Variants in SGCD observed in about 807,000 individuals in gnomAD.
SGCD encodes the protein delta-sarcoglycan.
SGCD carries 18 observed loss-of-function variants against 36.6 expected under a neutral mutation model. The observed-to-expected ratio is 0.49, with a 90% CI of 0.34 to 0.73. The LOEUF (loss-of-function observed/expected upper bound fraction) is 0.73. Ranked by LOEUF, SGCD falls within the 30% of genes least tolerant of loss-of-function variation. The probability of loss-of-function intolerance (pLI) is 0.01; values close to 1 mark genes in which losing one functional copy is unlikely to be tolerated. For missense variants in SGCD, 387 were observed against 346.7 expected (o/e 1.12, Z -0.92); for synonymous variants, 133 against 130.6 (o/e 1.02, Z -0.12).
chr5:156,253,833 T>C (rs1765643424), intron 3 of SGCD, among the ~76,000 whole-genome samples: 1 of 152,184 alleles, frequency 6.6e-6, no homozygotes, highest in South Asian at 2.1e-4. Context: ...TATTTATACT[T>C]GGACAGTTTA....
At chr5:156,026,502 T>C (rs546436372) in intron 1 of SGCD, among the ~76,000 whole-genome samples, 3 of 152,336 alleles carry the variant, frequency 2.0e-5, no homozygotes, top group African/African-American at 7.2e-5. Context: ...TTTAAATTTA[T>C]TTCTGTGTGA....
chr5:156,203,841 G>A (rs1022899355), intron 3 of SGCD, among the ~76,000 whole-genome samples: 3 of 152,088 alleles, frequency 2.0e-5, no homozygotes, highest in African/African-American at 7.2e-5. Context: ...CTATGACATA[G>A]CATAAACATG....
At position 156,334,320 on chromosome 5, in the gene SGCD, G is replaced by A. The variant is rs1768216192; in HGVS notation, c.3+4741G>A. ...TAACCATAGAAGTGGCCATGATGGG[G>A]TAGATACAGCATCCTTTGCATGTGA... On this transcript the variant is annotated intron_variant, in intron 2 of 8. Transcript: ENST00000337851. Among the ~76,000 whole-genome samples the A allele has an allele frequency of 1.3e-5, 2 of 152,152 alleles. 1 individual carries two copies. The highest frequency in any genetic ancestry group is 1.3e-4 in the Admixed American group (2 of 15,260).
At chr5:156,435,027 T>C (rs528487152) in intron 3 of SGCD, among the ~76,000 whole-genome samples, 1 of 152,292 alleles carries the variant, frequency 6.6e-6, no homozygotes, top group East Asian at 1.9e-4. Flanking sequence ...AAGATCTGAT[T>C]ATTGTAAAGG....
intron 1 of SGCD, among the ~76,000 whole-genome samples, chr5:155,904,468 AG>A (rs1256312626): frequency 6.6e-6 from 1 of 152,218 alleles, no homozygotes; most frequent in Non-Finnish European, 1.5e-5. Flanking sequence ...TAATGGTTAA[AG>A]TAACCTAAAG....
chr5:156,440,056 T>C (rs1753416216), intron 3 of SGCD, among the ~76,000 whole-genome samples: 1 of 152,150 alleles, frequency 6.6e-6, no homozygotes, highest in Non-Finnish European at 1.5e-5. Flanking sequence ...AAATGTTGTC[T>C]AGCTGCCATC....
chr5:155,848,536 C>CAA, the SGCD span, among the ~76,000 whole-genome samples: 1 of 152,154 alleles, frequency 6.6e-6, no homozygotes, highest in Non-Finnish European at 1.5e-5. Context: ...ATGTTCTTTA[C>CAA]AACTGCAAGC....
the SGCD span, among the ~76,000 whole-genome samples, chr5:155,810,116 T>G: frequency 2.0e-5 from 3 of 152,236 alleles, no homozygotes; most frequent in Non-Finnish European, 4.4e-5. Context: ...TGCTTTGATA[T>G]TTTTATATTC....
chr5:156,667,891 G>A (rs748513048), intron 7 of SGCD, among the ~76,000 whole-genome samples: 1 of 152,148 alleles, frequency 6.6e-6, no homozygotes, highest in Non-Finnish European at 1.5e-5. Flanking sequence ...TCAAATCATG[G>A]TAACCAAAAA....
At position 156,446,910 on chromosome 5, in the gene SGCD, T is replaced by C. The variant is rs534403310; in HGVS notation, c.193-61691T>C. 4.6e-5 allele frequency among the ~76,000 whole-genome samples: 7 copies of C among 152,236 alleles called. No individual in the cohort carries two copies. The South Asian group carries it at 1.0e-3, about 23-fold the overall frequency. On this transcript the variant is annotated intron_variant, in intron 3 of 8. Coordinates refer to ENST00000337851, the MANE Select transcript of SGCD (RefSeq NM_000337.6). ...ATTTTATAGTTGAGAAAACTGAGGCTCGGATACATTATGCAAATTTCCCAA... is the reference window on the plus strand; with the variant it reads ...ATTTTATAGTTGAGAAAACTGAGGCCCGGATACATTATGCAAATTTCCCAA...
chr5:156,019,047 A>G (rs1759045243), intron 1 of SGCD, among the ~76,000 whole-genome samples: 1 of 152,230 alleles, frequency 6.6e-6, no homozygotes, highest in Non-Finnish European at 1.5e-5. Context: ...TAAAGACAAA[A>G]TTAACTATAT....
At chr5:156,202,123 A>C (rs1396951614) in intron 3 of SGCD, among the ~76,000 whole-genome samples, 1 of 152,194 alleles carries the variant, frequency 6.6e-6, no homozygotes, top group Non-Finnish European at 1.5e-5. Flanking sequence ...TGTTGGAGGG[A>C]AGATAACCCA....
intron 1 of SGCD, among the ~76,000 whole-genome samples, chr5:156,072,222 G>C (rs1026689010): frequency 2.0e-5 from 3 of 152,088 alleles, no homozygotes; most frequent in African/African-American, 7.2e-5. Context: ...TTTCTTCCTA[G>C]CCTCGATGGT....
chr5:156,717,598 C>T (rs1169630894), intron 7 of SGCD, among the ~76,000 whole-genome samples: 1 of 152,190 alleles, frequency 6.6e-6, no homozygotes, highest in African/African-American at 2.4e-5. Flanking sequence ...CAAACAGCTG[C>T]CTACCTGCAA....
At chr5:156,602,291 T>C (rs1761227750) in intron 6 of SGCD, among the ~76,000 whole-genome samples, 1 of 150,448 alleles carries the variant, frequency 6.6e-6, no homozygotes, top group African/African-American at 2.5e-5. Flanking sequence ...TATACGTCCA[T>C]TTGATGTCCC....
At chr5:156,551,467 C>T (rs1299734070) in intron 4 of SGCD, among the ~76,000 whole-genome samples, 3 of 152,078 alleles carry the variant, frequency 2.0e-5, no homozygotes, top group Non-Finnish European at 4.4e-5. Context: ...TATTCCTTGC[C>T]TCTCTCCTTG....
chr5:155,910,636 A>G (rs555334493), intron 1 of SGCD, among the ~76,000 whole-genome samples: 1 of 152,258 alleles, frequency 6.6e-6, no homozygotes, highest in East Asian at 1.9e-4. Context: ...GTACAAGGGA[A>G]CTGCCTAAAA....
At chr5:156,069,991 AG>A (rs2127587115) in intron 1 of SGCD, among the ~76,000 whole-genome samples, 1 of 152,100 alleles carries the variant, frequency 6.6e-6, no homozygotes, top group South Asian at 2.1e-4. Flanking sequence ...GTATCCTGAG[AG>A]TTTACCAAAG....
the SGCD span, among the ~76,000 whole-genome samples, chr5:155,844,877 C>G: frequency 3.3e-5 from 5 of 152,256 alleles, no homozygotes; most frequent in Admixed American, 2.6e-4. Context: ...GTGCTTCCAT[C>G]ATCTTTTTTT....
Sources: allele counts gnomAD v4.1 joint callset (sites outside exome capture counted in the v4.1 genomes callset), GRCh38; gene constraint gnomAD v4.1.1; transcripts MANE v1.5; gene names NCBI Gene and HGNC (gene_info 2026-07-23, HGNC 2026-07-21).